Variants in EPHX1 observed in about 807,000 individuals in gnomAD.
EPHX1 encodes the protein epoxide hydrolase 1.
A neutral mutation model predicts 43.2 loss-of-function variants in EPHX1; 40 were observed. The ratio of observed to expected loss-of-function variants is 0.93; its 90% CI spans 0.72 to 1.21. EPHX1 has a LOEUF of 1.21. EPHX1 is among the 50% of genes most tolerant of loss of function. The pLI is 0.00. For synonymous variants in EPHX1, 221 were observed against 226.7 expected (o/e 0.98, Z 0.22); for missense variants, 550 against 570.4 (o/e 0.96, Z 0.36).
At chr1:225,844,079 A>G (rs1465791346) in intron 7 of EPHX1, among the ~76,000 whole-genome samples, 1 of 152,046 alleles carries the variant, frequency 6.6e-6, no homozygotes, top group Non-Finnish European at 1.5e-5. Flanking sequence ...AGATAATAGT[A>G]CCTATGTCCC....
chr1:225,845,256 T>C lies in EPHX1; in HGVS notation c.1277T>C (p.Met426Thr), dbSNP rs1668861046. The change falls in exon 9 of 9, where the codon ATG becomes ACG. Residue 426 changes from methionine to threonine, a missense_variant. Coordinates refer to ENST00000272167, the MANE Select transcript of EPHX1 (RefSeq NM_001136018.4). ...CCAAAGCTCATCTCCTATTCCTACA[T>C]GGTTCGTGGGGGCCACTTTGCGGCC... ...KYPKLISYSY[M>T]VRGGHFAAFE... 1.9e-6 allele frequency: 3 copies of C among 1,613,926 alleles called. No individual in the cohort carries two copies. The highest frequency in any genetic ancestry group is 2.5e-6 in the Non-Finnish European group (3 of 1,180,016).
intron 3 of EPHX1, 53 bp from the exon 4 acceptor site, chr1:225,838,601 A>G: frequency 6.6e-7 from 1 of 1,521,384 alleles, no homozygotes; most frequent in Non-Finnish European, 9.1e-7. Flanking sequence ...CCAGAGCCTG[A>G]CCGTGCAGGG....
At chr1:225,810,764 G>GT (rs1559013599) in intron 1 of EPHX1, 1 of 116,190 alleles carries the variant, frequency 8.6e-6, no homozygotes, top group South Asian at 4.1e-4. Flanking sequence ...GGCGGGCAGA[G>GT]TGGGGGGGGT....
chr1:225,842,924 G>A (rs1668550853), intron 7 of EPHX1, among the ~76,000 whole-genome samples: 1 of 152,230 alleles, frequency 6.6e-6, no homozygotes, highest in Non-Finnish European at 1.5e-5. Context: ...TCCTCTACAT[G>A]CCTGACTCCC....
At position 225,841,707 on chromosome 1, in the gene EPHX1, T is replaced by G. The variant is rs554279109; in HGVS notation, c.932-659T>G. On this transcript the variant is annotated intron_variant, in intron 6 of 8. Transcript: ENST00000272167. ...ACCTCCACCTCCCGGGTTCAAGCAA[T>G]TTGCCTGCCTCAGCCTCCCAAGTAG... is the stretch of plus-strand genomic sequence containing the variant. Among the ~76,000 whole-genome samples, 10 of 149,762 alleles carry G rather than the reference T, an allele frequency of 6.7e-5. No individual in the cohort carries two copies. The South Asian group carries it at 1.3e-3, about 20-fold the overall frequency.
At chr1:225,837,093 G>A (rs1668007092) in intron 3 of EPHX1, among the ~76,000 whole-genome samples, 1 of 151,892 alleles carries the variant, frequency 6.6e-6, no homozygotes, top group African/African-American at 2.4e-5. Flanking sequence ...GGAGTTTTCT[G>A]GATTCTTTGC....
intron 3 of EPHX1, among the ~76,000 whole-genome samples, chr1:225,835,515 G>A (rs965466728): frequency 4.0e-5 from 6 of 148,860 alleles, no homozygotes; most frequent in African/African-American, 9.9e-5. Flanking sequence ...TCAGCCTCCC[G>A]AGTAGCTGGG....
At chr1:225,826,104 G>C (rs1182355942) in intron 1 of EPHX1, among the ~76,000 whole-genome samples, 2 of 152,240 alleles carry the variant, frequency 1.3e-5, no homozygotes, top group Non-Finnish European at 2.9e-5. Context: ...GGTCCCAGCT[G>C]CCCATCTGAT....
chr1:225,821,784 A>G (rs1244081674), intron 1 of EPHX1, among the ~76,000 whole-genome samples: 1 of 150,120 alleles, frequency 6.7e-6, no homozygotes, highest in East Asian at 2.0e-4. Context: ...GCTGGTCTCA[A>G]ACTCCTGGGC....
At chr1:225,833,809 A>AAAG (rs1269900843) in intron 3 of EPHX1, among the ~76,000 whole-genome samples, 1 of 146,828 alleles carries the variant, frequency 6.8e-6, no homozygotes, top group Admixed American at 6.9e-5. Flanking sequence ...AAAAAAAAAA[A>AAAG]AAAACAGGCT....
At chr1:225,816,600 G>A (rs1053306171) in intron 1 of EPHX1, among the ~76,000 whole-genome samples, 31 of 152,234 alleles carry the variant, frequency 2.0e-4, no homozygotes, top group Non-Finnish European at 4.4e-4. Context: ...TAAAGTTTGT[G>A]TGGCCTTTAA....
At chr1:225,841,339 G>A (rs1668392783) in intron 6 of EPHX1, among the ~76,000 whole-genome samples, 1 of 152,192 alleles carries the variant, frequency 6.6e-6, no homozygotes, top group Admixed American at 6.5e-5. Context: ...GTAGAGTGCA[G>A]TGGTGTGATC....
At chr1:225,833,810 A>C (rs1194491636) in intron 3 of EPHX1, among the ~76,000 whole-genome samples, 1 of 130,768 alleles carries the variant, frequency 7.6e-6, no homozygotes, top group Admixed American at 7.8e-5. Flanking sequence ...AAAAAAAAAA[A>C]AAACAGGCTG....
intron 1 of EPHX1, among the ~76,000 whole-genome samples, chr1:225,827,070 C>A (rs1362986197): frequency 6.6e-6 from 1 of 152,168 alleles, no homozygotes; most frequent in Non-Finnish European, 1.5e-5. Context: ...ACAAGTATTT[C>A]ATAGAACGAC....
Position 225,843,638 on chromosome 1 carries a change from C to T in EPHX1, c.1041-860C>T, listed in dbSNP as rs557546252. On this transcript the variant is annotated intron_variant, in intron 7 of 8. Transcript: ENST00000272167. ...TAGGCCACTCCTGCAGCTCTGGCCC[C>T]GGGTTACAGGGAGCACCAAATCCCT... 7.2e-5 allele frequency among the ~76,000 whole-genome samples: 11 copies of T among 152,280 alleles called. No individual in the cohort carries two copies. In the East Asian group the frequency reaches 1.3e-3, roughly 19 times the overall value.
At chr1:225,815,211 G>A (rs1004180299) in intron 1 of EPHX1, among the ~76,000 whole-genome samples, 6 of 91,440 alleles carry the variant, frequency 6.6e-5, no homozygotes, top group East Asian at 5.2e-4. Flanking sequence ...GCTGCTATCC[G>A]GGTCATAGTG....
At chr1:225,832,455 A>G (rs546567819) in intron 3 of EPHX1, among the ~76,000 whole-genome samples, 2 of 152,350 alleles carry the variant, frequency 1.3e-5, no homozygotes, top group Non-Finnish European at 2.9e-5. Context: ...GAATTGCTTG[A>G]AGCCAGGAGG....
Position 225,831,915 on chromosome 1 carries a change from T to C in EPHX1, c.320T>C (p.Val107Ala), listed in dbSNP as rs1420985615. 2.5e-6 allele frequency: 4 copies of C among 1,614,044 alleles called. No individual in the cohort carries two copies. The highest frequency in any genetic ancestry group is 3.4e-6 in the Non-Finnish European group (4 of 1,180,046). The change falls in exon 3 of 9, where the codon GTG becomes GCG. Residue 107 changes from valine (V) to alanine (A), a missense_variant. By Grantham distance (64) the Val-to-Ala change is moderately conservative. Transcript: ENST00000272167. ...WRNEFDWKKQ[V>A]EILNRYPHFK... is the part of the protein sequence containing the mutation. The stretch of plus-strand genomic sequence containing the variant: ...AATGAATTTGACTGGAAGAAGCAGG[T>C]GGAGATTCTCAACAGATACCCTCAC...
At chr1:225,827,060 A>C (rs1667282667) in intron 1 of EPHX1, among the ~76,000 whole-genome samples, 1 of 152,172 alleles carries the variant, frequency 6.6e-6, no homozygotes, top group Non-Finnish European at 1.5e-5. Context: ...ACCACTGTGG[A>C]CAAGTATTTC....
Sources: allele counts gnomAD v4.1 joint callset (sites outside exome capture counted in the v4.1 genomes callset), GRCh38; gene constraint gnomAD v4.1.1; transcripts MANE v1.5; gene names NCBI Gene and HGNC (gene_info 2026-07-23, HGNC 2026-07-21).